Variants in LMX1B observed in about 807,000 individuals in gnomAD.
The protein encoded by LMX1B is LIM homeobox transcription factor 1 beta.
Under a neutral mutation model 51.4 loss-of-function variants are expected in LMX1B, and 12 were observed. The ratio of observed to expected loss-of-function variants is 0.23; its 90% confidence interval spans 0.15 to 0.38. LMX1B has a LOEUF of 0.38. LMX1B is among the 10% of genes least tolerant of loss of function. The probability of loss-of-function intolerance (pLI) is 1.00; values close to 1 mark genes in which losing one functional copy is unlikely to be tolerated. For missense variants in LMX1B, 445 were observed against 571.1 expected (o/e 0.78, Z 2.25); for synonymous variants, 237 against 235.4 (o/e 1.01, Z -0.06).
At chr9:126,669,199 C>T (rs1836401977) in intron 2 of LMX1B, among the ~76,000 whole-genome samples, 1 of 152,032 alleles carries the variant, frequency 6.6e-6, no homozygotes, top group African/African-American at 2.4e-5. Flanking sequence ...CCTGAGAGGG[C>T]ATGGACTGCC....
At chr9:126,619,044 G>A (rs1835359651) in intron 2 of LMX1B, among the ~76,000 whole-genome samples, 1 of 152,092 alleles carries the variant, frequency 6.6e-6, no homozygotes, top group Non-Finnish European at 1.5e-5. Flanking sequence ...GGGCTCCGCC[G>A]GGCCCGCTGG....
Position 126,644,988 on chromosome 9 carries a change from G to A in LMX1B, c.326+29419G>A, listed in dbSNP as rs74369065. Among the ~76,000 whole-genome samples the A allele has an allele frequency of 1.5e-3, 230 of 152,274 alleles. 4 individuals carry two copies. In the East Asian group the frequency reaches 0.039, roughly 26 times the overall value. ...CCAGCCCACCTGCTGTCAGTCTGCC[G>A]TGATAGAGCCCCCACCCTATGGAGA... On this transcript the variant is annotated intron_variant, in intron 2 of 7. Coordinates refer to ENST00000373474, the MANE Select transcript of LMX1B (RefSeq NM_001174147.2).
Position 126,696,423 on chromosome 9 carries a change from C to T in LMX1B, c.1181C>T (p.Ser394Phe). Residue 394 changes from serine (S) to phenylalanine (F), a missense_variant, in exon 8 of 8, where the codon TCC (serine) becomes TTC (phenylalanine). Ser to Phe is a radical substitution (Grantham distance 155, BLOSUM62 -2). Around this residue, in one of 3 missense-constraint regions of LMX1B, gnomAD observed 162 missense variants for 187.8 expected, o/e 0.86. Transcript: ENST00000373474. ...RVGNPIDRLY[S>F]MQSSYFAS Reference sequence around the variant, plus strand: ...GGGAACCCCATCGACCGGCTCTACTCCATGCAGAGTTCCTACTTCGCCTCC... The same window carrying T: ...GGGAACCCCATCGACCGGCTCTACTTCATGCAGAGTTCCTACTTCGCCTCC... The T allele has an allele frequency of 6.2e-7, 1 of 1,614,106 alleles. No individual in the cohort carries two copies. The highest frequency in any genetic ancestry group is 8.5e-7 in the Non-Finnish European group (1 of 1,179,984).
chr9:126,658,783 T>G lies in LMX1B; in HGVS notation c.327-32053T>G, dbSNP rs1265680190. Among the ~76,000 whole-genome samples, 1 of 152,214 alleles carries G rather than the reference T, an allele frequency of 6.6e-6. No individual in the cohort carries two copies. The highest frequency in any genetic ancestry group is 2.4e-5 in the African/African-American group (1 of 41,450). On this transcript the variant is annotated intron_variant, in intron 2 of 7. Coordinates refer to ENST00000373474, the MANE Select transcript of LMX1B (RefSeq NM_001174147.2). This position sits in a 1 kb window ranked among gnomAD's most constrained non-coding sequence, Gnocchi z 4.0. Reference sequence around the variant, plus strand: ...ATTATCAAGCCAAAACCTGGGAAAGTCATTTGCATTCATTGCAGCAGGAGA... The same window carrying G: ...ATTATCAAGCCAAAACCTGGGAAAGGCATTTGCATTCATTGCAGCAGGAGA...
chr9:126,666,143 G>T lies in LMX1B; in HGVS notation c.327-24693G>T, dbSNP rs73596764. Reference sequence around the variant, plus strand: ...AAAACTGAGGTTTGAGAGATTTGCTGAGAGGCACAGACGGGTCTGAACGCA... The same window carrying T: ...AAAACTGAGGTTTGAGAGATTTGCTTAGAGGCACAGACGGGTCTGAACGCA... On this transcript the variant is annotated intron_variant, in intron 2 of 7. Transcript: ENST00000373474. Among the ~76,000 whole-genome samples, 1,062 of 152,356 alleles carry T rather than the reference G, an allele frequency of 7.0e-3. 15 individuals carry two copies. Among genetic ancestry groups the T allele is most frequent in the African/African-American group, 0.024 (980 of 41,582 alleles).
intron 2 of LMX1B, among the ~76,000 whole-genome samples, chr9:126,679,510 TG>T (rs1836633470): frequency 1.4e-5 from 2 of 142,614 alleles, no homozygotes; most frequent in African/African-American, 2.6e-5. Flanking sequence ...GGTGGGTGGA[TG>T]GGGGACAGGT....
chr9:126,619,293 C>A (rs1247872566), intron 2 of LMX1B, among the ~76,000 whole-genome samples: 1 of 152,222 alleles, frequency 6.6e-6, no homozygotes, highest in African/African-American at 2.4e-5. Flanking sequence ...CCCCCACACT[C>A]CCCATCCAGC....
intron 6 of LMX1B, 47 bp downstream of exon 6, chr9:126,693,859 G>T (rs757881449): frequency 1.1e-6 from 1 of 915,744 alleles, no homozygotes; most frequent in South Asian, 1.4e-5. Flanking sequence ...AGCTGGGGCC[G>T]GGGCCAGGGG....
chr9:126,637,629 G>A (rs569128496), intron 2 of LMX1B, among the ~76,000 whole-genome samples: 69 of 152,086 alleles, frequency 4.5e-4, no homozygotes, highest in Non-Finnish European at 9.4e-4. Flanking sequence ...TGGGCCCTGC[G>A]GGTGTGATGT....
chr9:126,635,305 C>G (rs1287083157), intron 2 of LMX1B, among the ~76,000 whole-genome samples: 1 of 152,204 alleles, frequency 6.6e-6, no homozygotes, highest in Non-Finnish European at 1.5e-5. Flanking sequence ...TACACAAAGG[C>G]AAGGGAGGTA....
rs529944478 is a variant in LMX1B, at chr9:126,645,483, A to G, written c.326+29914A>G. ...CCTTCTTGCAAGGGACATCGTTCCCAAGCTGAGCACAGACTGAATTTCAAC... is the reference window on the plus strand; with the variant it reads ...CCTTCTTGCAAGGGACATCGTTCCCGAGCTGAGCACAGACTGAATTTCAAC... On this transcript the variant is annotated intron_variant, in intron 2 of 7. Coordinates refer to ENST00000373474, the MANE Select transcript of LMX1B (RefSeq NM_001174147.2). Among the ~76,000 whole-genome samples the G allele has an allele frequency of 9.2e-5, 14 of 152,358 alleles. No individual in the cohort carries two copies. In the South Asian group the frequency reaches 2.5e-3, roughly 27 times the overall value.
chr9:126,696,616 GCCAGACCGGTAGA>G lies in LMX1B; in HGVS notation c.*166_*178del. The G allele has an allele frequency of 1.4e-6, 1 of 713,082 alleles. No individual in the cohort carries two copies. Among genetic ancestry groups the G allele is most frequent in the Non-Finnish European group, 2.3e-6 (1 of 425,764 alleles). 44.2% of individuals were successfully genotyped at this position (713,082 alleles called of 1,614,324 possible). A position where few individuals can be genotyped will look rare whatever the true frequency, so the allele number is the denominator to read the frequency against. On this transcript the variant is annotated 3_prime_UTR_variant, in exon 8 of 8. Transcript: ENST00000373474. ...CTGACCACTGTGCCCGTTGGGTACA[GCCAGACCGGTAGA>G]TGGGCACAGCCTGGGCAGGGGCTGT... is the stretch of plus-strand genomic sequence containing the variant.
At chr9:126,678,951 G>T (rs563858349) in intron 2 of LMX1B, among the ~76,000 whole-genome samples, 56 of 152,316 alleles carry the variant, frequency 3.7e-4, no homozygotes, top group African/African-American at 1.3e-3. Flanking sequence ...TAATTAAAAT[G>T]CTATGGTCTA....
intron 2 of LMX1B, among the ~76,000 whole-genome samples, chr9:126,676,920 C>T (rs934461228): frequency 1.3e-5 from 2 of 152,196 alleles, no homozygotes; most frequent in Non-Finnish European, 2.9e-5. Context: ...CCTCAATAAT[C>T]GCTCTTCTCT....
intron 2 of LMX1B, among the ~76,000 whole-genome samples, chr9:126,646,381 C>T (rs1316964740): frequency 3.3e-5 from 5 of 151,822 alleles, no homozygotes; most frequent in South Asian, 2.1e-4. Context: ...TCCGCTTATC[C>T]GCCTACCTGT....
intron 2 of LMX1B, among the ~76,000 whole-genome samples, chr9:126,639,596 C>T (rs1835772053): frequency 6.6e-6 from 1 of 152,180 alleles, no homozygotes; most frequent in South Asian, 2.1e-4. Context: ...AATAATAATC[C>T]CAGCGGAGCC....
At chr9:126,675,774 G>A (rs1255605457) in intron 2 of LMX1B, among the ~76,000 whole-genome samples, 1 of 149,204 alleles carries the variant, frequency 6.7e-6, no homozygotes, top group Non-Finnish European at 1.5e-5. Flanking sequence ...AGTAGGCCGG[G>A]CGCGGTGGCT....
chr9:126,658,890 C>T lies in LMX1B; in HGVS notation c.327-31946C>T, dbSNP rs759290640. The stretch of plus-strand genomic sequence containing the variant: ...GGAGAGAAGGAGGACTTCCTGGGGA[C>T]ATGAGAAGTCCATACTGGAGGCAAG... On this transcript the variant is annotated intron_variant, in intron 2 of 7. Transcript: ENST00000373474. The surrounding 1 kb of genome is among the most constrained non-coding windows in gnomAD (Gnocchi z 4.0). Among the ~76,000 whole-genome samples, 117 of 152,286 alleles carry T rather than the reference C, an allele frequency of 7.7e-4. No individual in the cohort carries two copies. Among genetic ancestry groups the T allele is most frequent in the Admixed American group, 1.4e-3 (22 of 15,306 alleles).
chr9:126,690,732 T>A, intron 2 of LMX1B, 104 bp from the exon 3 acceptor site: 1 of 980,186 alleles, frequency 1.0e-6, no homozygotes, highest in Non-Finnish European at 1.6e-6. Flanking sequence ...CCCTCCCACC[T>A]GGGCCTGAGG....
Sources: allele counts gnomAD v4.1 joint callset (sites outside exome capture counted in the v4.1 genomes callset), GRCh38; gene constraint gnomAD v4.1.1; regional missense constraint gnomAD v4.1.1; non-coding constraint Gnocchi (gnomAD v3.1); transcripts MANE v1.5; gene names NCBI Gene and HGNC (gene_info 2026-07-23, HGNC 2026-07-21).